Variants in CCDC3 observed in about 807,000 individuals in gnomAD.
The protein encoded by CCDC3 is coiled-coil domain containing 3, also known as coiled-coil domain-containing protein 3.
A neutral mutation model predicts 21.4 loss-of-function variants in CCDC3; 24 were observed. The observed-to-expected ratio is 1.12, with a 90% CI of 0.81 to 1.58. The LOEUF (loss-of-function observed/expected upper bound fraction) is 1.58. CCDC3 is among the 40% of genes most tolerant of loss of function. The probability of loss-of-function intolerance (pLI) is 0.00; values close to 1 mark genes in which losing one functional copy is unlikely to be tolerated. For missense variants in CCDC3, 425 were observed against 360.9 expected, an observed-to-expected ratio of 1.18 and a Z score of -1.44; for synonymous variants, 186 against 166.0, an observed-to-expected ratio of 1.12 and a Z score of -0.93.
intron 2 of CCDC3, among the ~76,000 whole-genome samples, chr10:12,935,161 A>G (rs1401093506): frequency 6.6e-6 from 1 of 152,064 alleles, no homozygotes; most frequent in African/African-American, 2.4e-5. Flanking sequence ...TATAGGTGTG[A>G]GCCACCATGC....
At chr10:13,071,077 T>C (rs75390497) in intron 4 of CCDC3, among the ~76,000 whole-genome samples, 455 of 152,246 alleles carry the variant, frequency 3.0e-3, no homozygotes, top group African/African-American at 0.011. Context: ...GTGATGAAAA[T>C]AAATAGGATG....
intron 2 of CCDC3, among the ~76,000 whole-genome samples, chr10:12,906,856 GCTGGAACTC>G (rs1440665808): frequency 5.9e-5 from 9 of 152,168 alleles, no homozygotes; most frequent in African/African-American, 2.2e-4. Flanking sequence ...GACCTTTGCT[GCTGGAACTC>G]CTCCTCCCTC....
chr10:12,957,379 C>T (rs1473412378), intron 2 of CCDC3, among the ~76,000 whole-genome samples: 1 of 152,180 alleles, frequency 6.6e-6, no homozygotes, highest in Non-Finnish European at 1.5e-5. Flanking sequence ...AACCGTAACT[C>T]GTGTCTGATT....
chr10:13,024,318 C>T (rs1282172615), intron 5 of CCDC3, among the ~76,000 whole-genome samples: 1 of 151,974 alleles, frequency 6.6e-6, no homozygotes, highest in Non-Finnish European at 1.5e-5. Context: ...GAAAAGTGCA[C>T]TAACAGATCT....
chr10:13,069,395 T>C (rs946376883), intron 4 of CCDC3, among the ~76,000 whole-genome samples: 1 of 152,268 alleles, frequency 6.6e-6, no homozygotes, highest in Non-Finnish European at 1.5e-5. Context: ...GGCATTAATC[T>C]GCTCTTTAGC....
chr10:13,035,110 A>G (rs2782284), intron 5 of CCDC3, among the ~76,000 whole-genome samples: 20,826 of 152,004 alleles, frequency 0.14, 1,526 homozygotes, highest in Middle Eastern at 0.2. Context: ...CAGTCCTGGC[A>G]TCATTGCAGG....
upstream of CCDC3, among the ~76,000 whole-genome samples, chr10:13,004,561 C>T (rs1364668896): frequency 9.7e-6 from 1 of 102,826 alleles, no homozygotes; most frequent in Non-Finnish European, 1.8e-5. Context: ...AATCTCTGAC[C>T]CCCACCCCCC....
chr10:13,015,752 C>G (rs969071576), intron 5 of CCDC3, among the ~76,000 whole-genome samples: 2 of 151,984 alleles, frequency 1.3e-5, no homozygotes, highest in Non-Finnish European at 2.9e-5. Context: ...TCCCGATGAA[C>G]CCCCAACTTG....
chr10:12,923,785 A>C (rs894615936), intron 2 of CCDC3, among the ~76,000 whole-genome samples: 1 of 152,204 alleles, frequency 6.6e-6, no homozygotes, highest in Admixed American at 6.5e-5. Context: ...TACTCGGTAC[A>C]TTTTAATCAC....
rs1028441801 is a variant in CCDC3, at chr10:13,064,954, C to T, written c.-270+8914G>A. Among the ~76,000 whole-genome samples, 9 of 151,948 alleles carry T rather than the reference C, an allele frequency of 5.9e-5. 1 individual carries two copies. Among genetic ancestry groups the T allele is most frequent in the Admixed American group, 4.6e-4 (7 of 15,254 alleles). The stretch of plus-strand genomic sequence containing the variant: ...GAGGCAATCAGATATGCATTTATCT[C>T]GGTGAGCAGAGGGATGACTTTGAAT... On this transcript the variant is annotated intron_variant, in intron 4 of 6. Coordinates refer to the CCDC3 transcript ENST00000378839.
chr10:13,069,142 C>A (rs1836854579), intron 4 of CCDC3, among the ~76,000 whole-genome samples: 1 of 152,216 alleles, frequency 6.6e-6, no homozygotes, highest in Non-Finnish European at 1.5e-5. Context: ...GTAATCCCAG[C>A]TACTCGGGAG....
intron 2 of CCDC3, among the ~76,000 whole-genome samples, chr10:12,941,574 G>A (rs773439641): frequency 2.6e-5 from 4 of 152,108 alleles, no homozygotes; most frequent in Non-Finnish European, 2.9e-5. Flanking sequence ...ATCTGGGAGA[G>A]GATTCATCAC....
intron 2 of CCDC3, among the ~76,000 whole-genome samples, chr10:12,984,370 C>T (rs1835554925): frequency 6.6e-6 from 1 of 152,136 alleles, no homozygotes; most frequent in Admixed American, 6.5e-5. Context: ...ACTTGAGTCC[C>T]ACTAGGATGA....
chr10:13,045,718 C>T (rs1307934406), intron 5 of CCDC3, among the ~76,000 whole-genome samples: 1 of 152,154 alleles, frequency 6.6e-6, no homozygotes, highest in Middle Eastern at 3.2e-3. Flanking sequence ...TAGGCAGGGT[C>T]CTCATCAACA....
intron 2 of CCDC3, among the ~76,000 whole-genome samples, chr10:12,977,941 T>C (rs545043923): frequency 1.1e-3 from 164 of 152,118 alleles, no homozygotes; most frequent in Non-Finnish European, 1.8e-3. Context: ...TGTGCGTGGA[T>C]GGCGTACAGA....
At chr10:13,086,482 A>C (rs1837107596) in intron 3 of CCDC3, among the ~76,000 whole-genome samples, 1 of 152,122 alleles carries the variant, frequency 6.6e-6, no homozygotes, top group African/African-American at 2.4e-5. Flanking sequence ...TTTGAGATGG[A>C]GTCTTGCTCT....
At chr10:12,978,316 G>A (rs916752867) in intron 2 of CCDC3, among the ~76,000 whole-genome samples, 2 of 152,194 alleles carry the variant, frequency 1.3e-5, no homozygotes, top group East Asian at 1.9e-4. Flanking sequence ...ACCGCACCTG[G>A]CCATATTTTC....
intron 3 of CCDC3, among the ~76,000 whole-genome samples, chr10:13,089,721 T>G (rs896728079): frequency 9.9e-5 from 15 of 151,808 alleles, no homozygotes; most frequent in African/African-American, 3.4e-4. Flanking sequence ...GAGCAGGTGG[T>G]GTTTGGTTAC....
At chr10:12,918,652 G>A (rs1834396687) in intron 2 of CCDC3, among the ~76,000 whole-genome samples, 1 of 152,190 alleles carries the variant, frequency 6.6e-6, no homozygotes, top group African/African-American at 2.4e-5. Context: ...CCCATGTGTA[G>A]GAGAACAGTT....
Sources: allele counts gnomAD v4.1 joint callset (sites outside exome capture counted in the v4.1 genomes callset), GRCh38; gene constraint gnomAD v4.1.1; transcripts MANE v1.5; gene names NCBI Gene and HGNC (gene_info 2026-07-23, HGNC 2026-07-21).